Variants in R3HDM1 observed in about 807,000 individuals in gnomAD.
R3HDM1 encodes R3H domain-containing protein 1.
A neutral mutation model predicts 141.1 loss-of-function variants in R3HDM1; 46 were observed. The observed-to-expected ratio is 0.33, with a 90% CI of 0.26 to 0.42. R3HDM1 has a LOEUF of 0.42. Among genes scored for constraint, R3HDM1 ranks in the 10% least tolerant of loss-of-function variants. R3HDM1 has a pLI of 1.00. For missense variants in R3HDM1, 1,184 were observed against 1,368.3 expected (o/e 0.87, Z 2.12); for synonymous variants, 435 against 472.9 (o/e 0.92, Z 1.04).
chr2:135,554,715 G>A (rs989872880), intron 1 of R3HDM1, among the ~76,000 whole-genome samples: 1 of 152,078 alleles, frequency 6.6e-6, no homozygotes, highest in African/African-American at 2.4e-5. Context: ...ATTCATACAG[G>A]AAAAATGCCA....
chr2:135,687,519 C>T (rs925053875), intron 21 of R3HDM1, among the ~76,000 whole-genome samples: 1 of 151,928 alleles, frequency 6.6e-6, no homozygotes, highest in Non-Finnish European at 1.5e-5. Context: ...TTTCTGAGCT[C>T]TGTTCCAGAT....
intron 14 of R3HDM1, among the ~76,000 whole-genome samples, chr2:135,640,143 C>T (rs958124603): frequency 2.0e-5 from 3 of 151,814 alleles, no homozygotes; most frequent in African/African-American, 7.3e-5. Flanking sequence ...TCTCCCTAAC[C>T]TATTTGGGTG....
chr2:135,669,242 C>T (rs2105327977), intron 19 of R3HDM1: 2 of 985,396 alleles, frequency 2.0e-6, no homozygotes, highest in Non-Finnish European at 2.4e-6. Flanking sequence ...GTTCCTCCCA[C>T]AGAGAGGACA....
intron 3 of R3HDM1, chr2:135,606,480 A>C (rs1023686898): frequency 6.6e-6 from 1 of 152,134 alleles, no homozygotes; most frequent in Admixed American, 6.5e-5. Flanking sequence ...TTCAAAAAAA[A>C]ATTGTTTAGG....
chr2:135,602,840 C>G (rs930886381), intron 2 of R3HDM1, 132 bp downstream of exon 2: 2 of 747,484 alleles, frequency 2.7e-6, no homozygotes, highest in African/African-American at 3.7e-5. Context: ...TCGGAATGAA[C>G]CAATTAACTT....
chr2:135,608,038 G>A (rs529600930), intron 3 of R3HDM1: 50 of 929,858 alleles, frequency 5.4e-5, no homozygotes, highest in South Asian at 4.5e-4. Context: ...TATATGGGCC[G>A]GGCGCAGTGG....
chr2:135,553,527 G>C (rs1479592626), intron 1 of R3HDM1, among the ~76,000 whole-genome samples: 1 of 152,152 alleles, frequency 6.6e-6, no homozygotes, highest in African/African-American at 2.4e-5. Context: ...CAAAATATTT[G>C]AATGTCGGTC....
chr2:135,675,759 T>A (rs2069081681), intron 20 of R3HDM1, among the ~76,000 whole-genome samples: 1 of 152,236 alleles, frequency 6.6e-6, no homozygotes, highest in African/African-American at 2.4e-5. Flanking sequence ...AAGTTAATAT[T>A]GTCTAGCATT....
intron 1 of R3HDM1, among the ~76,000 whole-genome samples, chr2:135,592,453 A>G (rs1470573436): frequency 6.6e-6 from 1 of 152,186 alleles, no homozygotes; most frequent in Non-Finnish European, 1.5e-5. Context: ...CCTTCTGACC[A>G]CTTCCCTTTA....
At chr2:135,573,425 C>A (rs1350463810) in intron 1 of R3HDM1, among the ~76,000 whole-genome samples, 1 of 152,112 alleles carries the variant, frequency 6.6e-6, no homozygotes, top group African/African-American at 2.4e-5. Flanking sequence ...TGCCGCAAGA[C>A]TTTGTGGCAA....
chr2:135,579,553 A>G (rs990647926), intron 1 of R3HDM1, among the ~76,000 whole-genome samples: 2 of 146,032 alleles, frequency 1.4e-5, no homozygotes, highest in African/African-American at 5.1e-5. Flanking sequence ...ATCTCCCCAC[A>G]AGATATGAAT....
rs117169203 is a variant in R3HDM1, at chr2:135,590,619, C to A, written c.-249-11881C>A. On this transcript the variant is annotated intron_variant, in intron 1 of 26. Transcript: ENST00000683871. ...AGGAAGTTGAGCCAATTAAATTGGACAGGTACTTTAAAGAGAAATTATATC... is the reference window on the plus strand; with the variant it reads ...AGGAAGTTGAGCCAATTAAATTGGAAAGGTACTTTAAAGAGAAATTATATC... 1.6e-4 allele frequency: 161 copies of A among 985,224 alleles called. No homozygotes were observed. The East Asian group carries it at 0.013, about 81-fold the overall frequency. The allele number at this position is 985,224 out of a possible 1,614,324, so 61.0% of individuals were successfully genotyped here.
intron 1 of R3HDM1, chr2:135,561,436 G>T: frequency 1.3e-6 from 1 of 743,654 alleles, no homozygotes; most frequent in Non-Finnish European, 1.6e-6. Flanking sequence ...GTTAAGCTTG[G>T]TGGGACGTGG....
At chr2:135,722,155 C>T in intron 25 of R3HDM1, 149 bp downstream of exon 25, 1 of 757,052 alleles carries the variant, frequency 1.3e-6, no homozygotes, top group Non-Finnish European at 2.2e-6. Context: ...ATCACTGGCT[C>T]CATCAGGAGC....
At chr2:135,686,246 A>G (rs895387473) in intron 21 of R3HDM1, among the ~76,000 whole-genome samples, 8 of 152,250 alleles carry the variant, frequency 5.3e-5, no homozygotes, top group Non-Finnish European at 5.9e-5. Context: ...TGTAGCTGCT[A>G]TAGAAAACAG....
chr2:135,587,529 G>A (rs987382914), intron 1 of R3HDM1, among the ~76,000 whole-genome samples: 1 of 152,042 alleles, frequency 6.6e-6, no homozygotes, highest in African/African-American at 2.4e-5. Context: ...AGTAATTAGG[G>A]TCATGAAAAT....
At position 135,541,810 on chromosome 2, in the gene R3HDM1, G is replaced by A. The variant is rs78008517; in HGVS notation, c.-250+10177G>A. Among the ~76,000 whole-genome samples the A allele has an allele frequency of 1.6e-3, 230 of 144,394 alleles. 2 individuals carry two copies. The East Asian group carries it at 0.025, about 15-fold the overall frequency. 94.7% of individuals were successfully genotyped at this position (144,394 alleles called of 152,430 possible). ...ACATGTTGGGAAAATGGTACTGATC[G>A]ATATGCTTGACTCAAGAGTTGCCAC... On this transcript the variant is annotated intron_variant, in intron 1 of 26. Coordinates refer to ENST00000683871, the MANE Select transcript of R3HDM1 (RefSeq NM_001378107.1).
chr2:135,612,325 G>T (rs2060622733), intron 3 of R3HDM1, among the ~76,000 whole-genome samples: 1 of 152,134 alleles, frequency 6.6e-6, no homozygotes. Context: ...TTTGAGTCTG[G>T]TTGAAAGGGT....
At chr2:135,676,656 C>T (rs1372893430) in intron 20 of R3HDM1, among the ~76,000 whole-genome samples, 1 of 152,084 alleles carries the variant, frequency 6.6e-6, no homozygotes, top group Non-Finnish European at 1.5e-5. Context: ...TTGAAAAATA[C>T]AAAAATTAGC....
Sources: allele counts gnomAD v4.1 joint callset (sites outside exome capture counted in the v4.1 genomes callset), GRCh38; gene constraint gnomAD v4.1.1; transcripts MANE v1.5; gene names NCBI Gene and HGNC (gene_info 2026-07-23, HGNC 2026-07-21).